The following EBP variants were observed in gnomAD, a reference collection of about 807,000 sequenced individuals.
EBP encodes EBP cholestenol delta-isomerase.
Under a neutral mutation model 14.1 loss-of-function variants are expected in EBP, and 1 was observed. That is an observed-to-expected ratio of 0.07 (90% confidence interval 0.03 to 0.34). The LOEUF is 0.34. Ranked by LOEUF, EBP falls within the 10% of genes least tolerant of loss-of-function variation. The pLI, the probability that EBP is intolerant of heterozygous loss-of-function variation, is 0.99. For missense variants in EBP, 123 were observed against 184.6 expected (o/e 0.67, Z 1.93); for synonymous variants, 72 against 77.7 (o/e 0.93, Z 0.38).
At chrX:48,525,632 G>C (rs1412588043) in intron 2 of EBP, among the ~76,000 whole-genome samples, 1 of 108,681 alleles carries the variant, frequency 9.2e-6, no homozygotes, top group East Asian at 2.9e-4. Context: ...GCCCACCTCA[G>C]CCTCCCAAAG....
At position 48,528,405 on chromosome X, in the gene EBP, C is replaced by T. The variant is rs2061785526; in HGVS notation, c.641C>T (p.Ala214Val). The T allele has an allele frequency of 8.5e-7, 1 of 1,177,158 alleles. No homozygotes were observed. Residue 214 changes from alanine to valine, a missense_variant, in exon 5 of 5, where the codon GCC (alanine) becomes GTC (valine). Physicochemically the swap from Ala to Val is moderately conservative, Grantham distance 64. Transcript: ENST00000495186. The part of the protein sequence containing the change: ...VLDAVKHLTH[A>V]QSTLDAKATK... ...GATGCTGTGAAGCACCTCACTCATG[C>T]CCAGAGCACGCTGGATGCCAAGGCC...
At chrX:48,522,992 T>G (rs2061767809) in intron 1 of EBP, among the ~76,000 whole-genome samples, 1 of 107,412 alleles carries the variant, frequency 9.3e-6, no homozygotes, top group Admixed American at 1.0e-4. Context: ...AGAGGCAGAG[T>G]CTCAGACTGG....
At chrX:48,527,532 C>T in intron 4 of EBP, 1 of 451,438 alleles carries the variant, frequency 2.2e-6, no homozygotes, top group Non-Finnish European at 3.7e-6. Context: ...GTGAAGGTTA[C>T]ATGAGGTGGC....
chrX:48,527,046 A>T (rs377637290), intron 3 of EBP, 21 bp downstream of exon 3: 1 of 1,210,156 alleles, frequency 8.3e-7, no homozygotes, highest in African/African-American at 1.7e-5. Context: ...GCCTCTGTCA[A>T]TGGAGACTGG....
chrX:48,523,663 T>G, intron 1 of EBP, 36 bp from the exon 2 acceptor site: 4 of 830,620 alleles, frequency 4.8e-6, no homozygotes, highest in Middle Eastern at 4.2e-4. Context: ...TTGAATTTGA[T>G]TTTATTATCT....
intron 2 of EBP, among the ~76,000 whole-genome samples, chrX:48,524,312 GC>G (rs2061772936): frequency 9.1e-6 from 1 of 110,126 alleles, no homozygotes; most frequent in Admixed American, 9.7e-5. Flanking sequence ...GGTCAACATG[GC>G]AAAACCCCAT....
In EBP at chrX:48,528,679, G is replaced by A. The variant is rs2061786318; in HGVS notation, c.*222G>A. 11 of 434,478 alleles carry A rather than the reference G, an allele frequency of 2.5e-5. No individual in the cohort carries two copies. The highest frequency in any genetic ancestry group is 1.4e-4 in the South Asian group (4 of 29,001). The allele number at this position is 434,478 out of a possible 1,213,427, so 35.8% of individuals were successfully genotyped here. A position where few individuals can be genotyped will look rare whatever the true frequency, so the allele number is the denominator to read the frequency against. On this transcript the variant is annotated 3_prime_UTR_variant, in exon 5 of 5. Transcript: ENST00000495186. The stretch of plus-strand genomic sequence containing the variant: ...AAGCCAGGAGGTCTATGATGGTGAC[G>A]ATTTTTAAAATCAGGAAATAAAAGA...
rs1175445520 is a variant in EBP, at chrX:48,523,890, G to A, written c.119G>A (p.Gly40Glu). The A allele has an allele frequency of 2.5e-6, 3 of 1,211,087 alleles. No homozygotes were observed. The highest frequency in any genetic ancestry group is 5.9e-5 in the East Asian group (2 of 33,802). ...CTGGCTGGCCTCTTCTCTGTCACAG[G>A]GGTCTTAGTCGTGACCACATGGCTG... The part of the protein sequence containing the change: ...HILAGLFSVT[G>E]VLVVTTWLLS... The change falls in exon 2 of 5, where the codon GGG becomes GAG. Residue 40 changes from glycine (G) to glutamate (E), a missense_variant. Gly to Glu is a moderately conservative substitution (Grantham distance 98). Coordinates refer to ENST00000495186, the MANE Select transcript of EBP (RefSeq NM_006579.3).
At chrX:48,524,553 G>C (rs1231312311) in intron 2 of EBP, 1 of 116,914 alleles carries the variant, frequency 8.6e-6, no homozygotes, top group African/African-American at 3.3e-5. Flanking sequence ...TTGAACCTGG[G>C]AGGCGGAGGT....
rs782453929 is a variant in EBP, at chrX:48,528,392, C to T, written c.628C>T (p.His210Tyr). ...AGTCCTTGTGCTTGATGCTGTGAAGCACCTCACTCATGCCCAGAGCACGCT... is the reference window on the plus strand; with the variant it reads ...AGTCCTTGTGCTTGATGCTGTGAAGTACCTCACTCATGCCCAGAGCACGCT... ...PGVLVLDAVK[H>Y]LTHAQSTLDA... Residue 210 changes from histidine (H) to tyrosine (Y), a missense_variant, in exon 5 of 5, where the codon CAC becomes TAC. Physicochemically the swap from His to Tyr is moderately conservative, Grantham distance 83. Transcript: ENST00000495186. The T allele has an allele frequency of 8.5e-7, 1 of 1,183,369 alleles. No homozygotes were observed. The highest frequency in any genetic ancestry group is 1.8e-5 in the African/African-American group (1 of 56,500).
chrX:48,527,951 C>T (rs917914526), intron 4 of EBP, among the ~76,000 whole-genome samples: 3 of 111,667 alleles, frequency 2.7e-5, no homozygotes, highest in African/African-American at 6.5e-5. Context: ...TTAGTTCTAG[C>T]GATATGAGTT....
At position 48,528,619 on chromosome X, in the gene EBP, C is replaced by T. The variant is rs2147157222; in HGVS notation, c.*162C>T. ...GGGGAATAAAGGGGCTGTGTGAAGG[C>T]ACTGCTGGGAGCCATTAGAACACAG... On this transcript the variant is annotated 3_prime_UTR_variant, in exon 5 of 5. Transcript: ENST00000495186. The T allele has an allele frequency of 2.0e-6, 1 of 507,881 alleles. No individual in the cohort carries two copies. The highest frequency in any genetic ancestry group is 2.8e-5 in the South Asian group (1 of 35,105). 41.9% of individuals were successfully genotyped at this position (507,881 alleles called of 1,213,427 possible). A position where few individuals can be genotyped will look rare whatever the true frequency, so the allele number is the denominator to read the frequency against.
intron 2 of EBP, 93 bp from the exon 3 acceptor site, chrX:48,526,896 G>A (rs1556977521): frequency 2.0e-6 from 2 of 1,018,861 alleles, no homozygotes; most frequent in African/African-American, 3.7e-5. Context: ...GGAAGGTTAT[G>A]AAGTCTGTCT....
At chrX:48,526,089 CAAAAAAAAAAAA>C (rs781869054) in intron 2 of EBP, among the ~76,000 whole-genome samples, 3 of 41,582 alleles carry the variant, frequency 7.2e-5, no homozygotes, top group East Asian at 8.6e-4. Flanking sequence ...GGCTCCGTCT[CAAAAAAAAAAAA>C]AAAAAAAAAA....
chrX:48,524,867 C>T (rs1289826784), intron 2 of EBP: 1 of 109,759 alleles, frequency 9.1e-6, no homozygotes, highest in Non-Finnish European at 1.9e-5. Context: ...CTAATATTTT[C>T]ACTTTTTTGT....
chrX:48,522,523 GTGT>G (rs1276715886), intron 1 of EBP, among the ~76,000 whole-genome samples: 1 of 111,517 alleles, frequency 9.0e-6, no homozygotes, highest in Admixed American at 9.5e-5. Flanking sequence ...CTGGGATCAG[GTGT>G]TGTTCCCATG....
chrX:48,527,738 T>C, intron 4 of EBP: 1 of 184,629 alleles, frequency 5.4e-6, no homozygotes, highest in Non-Finnish European at 1.0e-5. Flanking sequence ...CCTGAGTAGC[T>C]GGGACTACAG....
In EBP at chrX:48,523,868, G is replaced by T. The variant is rs1556977049; in HGVS notation, c.97G>T (p.Ala33Ser). The stretch of plus-strand genomic sequence containing the variant: ...TGACCGCCCCACCTGGCATATACTG[G>T]CTGGCCTCTTCTCTGTCACAGGGGT... ...PNDRPTWHIL[A>S]GLFSVTGVLV... The change falls in exon 2 of 5, where the codon GCT (alanine) becomes TCT (serine). Residue 33 changes from alanine to serine, a missense_variant. Coordinates refer to ENST00000495186, the MANE Select transcript of EBP (RefSeq NM_006579.3). 8.3e-7 allele frequency: 1 copy of T among 1,211,477 alleles called. No homozygotes were observed. The highest frequency in any genetic ancestry group is 2.2e-5 in the Admixed American group (1 of 45,967).
In EBP at chrX:48,527,720, C is replaced by T. The variant is rs186200828; in HGVS notation, c.469+435C>T. 490 of 186,118 alleles carry T rather than the reference C, an allele frequency of 2.6e-3. 3 individuals are homozygous for T. The highest frequency in any genetic ancestry group is 0.014 in the African/African-American group (473 of 33,386). The allele number at this position is 186,118 out of a possible 1,213,427, so 15.3% of individuals were successfully genotyped here. A position where few individuals can be genotyped will look rare whatever the true frequency, so the allele number is the denominator to read the frequency against. Reference sequence around the variant, plus strand: ...TCCCAGACTCAAGCGATCTTCCTGCCTCAGTCTCCTGAGTAGCTGGGACTA... The same window carrying T: ...TCCCAGACTCAAGCGATCTTCCTGCTTCAGTCTCCTGAGTAGCTGGGACTA... On this transcript the variant is annotated intron_variant, in intron 4 of 4. Coordinates refer to ENST00000495186, the MANE Select transcript of EBP (RefSeq NM_006579.3).
Sources: gnomAD v4.1 joint callset for allele counts (sites outside exome capture counted in the v4.1 genomes callset) on GRCh38, gnomAD v4.1.1 for gene constraint, MANE v1.5 for transcripts, NCBI Gene and HGNC (gene_info 2026-07-23, HGNC 2026-07-21) for gene names.